The following KCNK12 variants were observed in gnomAD, a reference collection of about 807,000 sequenced individuals.
KCNK12 encodes the protein potassium channel subfamily K member 12.
KCNK12 carries 6 observed loss-of-function variants against 25.3 expected under a neutral mutation model. That is an observed-to-expected ratio of 0.24 (90% confidence interval 0.13 to 0.47). KCNK12 has a LOEUF of 0.47. Among genes scored for constraint, KCNK12 ranks in the 20% least tolerant of loss-of-function variants. KCNK12 has a pLI of 0.99. For missense variants in KCNK12, 444 were observed against 661.7 expected (o/e 0.67, Z 3.61); for synonymous variants, 331 against 311.1 (o/e 1.06, Z -0.67).
chr2:47,561,493 G>A lies in KCNK12; in HGVS notation c.391+8448C>T, dbSNP rs569953810. 3.2e-4 allele frequency among the ~76,000 whole-genome samples: 48 copies of A among 152,316 alleles called. 1 individual carries two copies. The South Asian group carries it at 9.4e-3, about 30-fold the overall frequency. On this transcript the variant is annotated intron_variant, in intron 1 of 1. Transcript: ENST00000327876. ...GAGTGCAGCAGGTGCCACACAGCAG[G>A]GGGGCTGAGGCCCAGAGGACTGGAC...
intron 1 of KCNK12, among the ~76,000 whole-genome samples, chr2:47,568,614 C>G (rs1669828842): frequency 1.3e-5 from 2 of 152,202 alleles, no homozygotes; most frequent in Admixed American, 1.3e-4. Flanking sequence ...CAGCCTCTCT[C>G]CCTGCCTCCA....
At chr2:47,564,758 CA>C (rs1384174580) in intron 1 of KCNK12, 3 of 168,200 alleles carry the variant, frequency 1.8e-5, no homozygotes, top group Non-Finnish European at 3.9e-5. Flanking sequence ...GAGGATGGAG[CA>C]GTGAATGGTA....
In KCNK12 at chr2:47,521,139, G is replaced by A; in HGVS notation, c.1061C>T (p.Ala354Val). The change falls in exon 2 of 2, where the codon GCC (alanine) becomes GTC (valine). Residue 354 changes from alanine (A) to valine (V), a missense_variant. Around this residue, in one of 8 missense-constraint regions of KCNK12, gnomAD observed 69 missense variants for 81.7 expected, o/e 0.84. Coordinates refer to ENST00000327876, the MANE Select transcript of KCNK12 (RefSeq NM_022055.2). The part of the protein sequence containing the change: ...RLAALGADPA[A>V]RDSDAEGRRL... ...GCGGCCCTCGGCGTCGCTGTCGCGG[G>A]CCGCGGGGTCGGCACCGAGCGCGGC... 2 of 1,271,238 alleles carry A rather than the reference G, an allele frequency of 1.6e-6. No homozygotes were observed. The highest frequency in any genetic ancestry group is 3.0e-5 in the South Asian group (1 of 33,256). The allele number at this position is 1,271,238 out of a possible 1,614,324, so 78.7% of individuals were successfully genotyped here. A position where few individuals can be genotyped will look rare whatever the true frequency, so the allele number is the denominator to read the frequency against.
rs1668656852 is a variant in KCNK12 at position 47,521,618 on chromosome 2, G to T, written c.582C>A (p.Phe194Leu). ...CCTCCGAGAGCGCGGAGCCGCGGCG[G>T]AAGGTGGCGGGCAGCAGGCCGCTGC... ...LRRSGLLPAT[F>L]RRGSALSEAD... Residue 194 changes from phenylalanine to leucine, a missense_variant, in exon 2 of 2, where the codon TTC becomes TTA. By Grantham distance (22) the Phe-to-Leu change is conservative (BLOSUM62 0). Coordinates refer to ENST00000327876, the MANE Select transcript of KCNK12 (RefSeq NM_022055.2). The T allele has an allele frequency of 1.3e-6, 2 of 1,576,474 alleles. No individual in the cohort carries two copies. The highest frequency in any genetic ancestry group is 2.7e-5 in the African/African-American group (2 of 74,362).
Position 47,569,891 on chromosome 2 carries a change from G to A in KCNK12, c.391+50C>T. The A allele has an allele frequency of 1.6e-6, 2 of 1,284,824 alleles. No individual in the cohort carries two copies. The highest frequency in any genetic ancestry group is 2.0e-6 in the Non-Finnish European group (2 of 1,004,614). The allele number at this position is 1,284,824 out of a possible 1,614,324, so 79.6% of individuals were successfully genotyped here. A position where few individuals can be genotyped will look rare whatever the true frequency, so the allele number is the denominator to read the frequency against. ...GAGCGGCCGAGCAGTGGAAAGGGCG[G>A]CAGGTGAAAGGCACAGAGAGGAAAG... is the stretch of plus-strand genomic sequence containing the variant. On this transcript the variant is annotated intron_variant, in intron 1 of 1. Coordinates refer to ENST00000327876, the MANE Select transcript of KCNK12 (RefSeq NM_022055.2). This position sits in a 1 kb window ranked among gnomAD's most constrained non-coding sequence, Gnocchi z 4.1.
At chr2:47,553,959 T>C (rs909513782) in intron 1 of KCNK12, among the ~76,000 whole-genome samples, 13 of 152,202 alleles carry the variant, frequency 8.5e-5, no homozygotes, top group African/African-American at 3.1e-4. Flanking sequence ...GCCACTTACA[T>C]GTGAACTCAG....
In KCNK12 at chr2:47,519,789, A is replaced by C. The variant is rs1668607483; in HGVS notation, c.*1118T>G. ...TATCTTTCCTGACCCCAAACACATCATGGCCTCTGGAGCCAAATACCCTGA... is the reference window on the plus strand; with the variant it reads ...TATCTTTCCTGACCCCAAACACATCCTGGCCTCTGGAGCCAAATACCCTGA... On this transcript the variant is annotated 3_prime_UTR_variant, in exon 2 of 2. Transcript: ENST00000327876. The C allele has an allele frequency of 6.6e-6, 1 of 152,214 alleles. No individual in the cohort carries two copies. The highest frequency in any genetic ancestry group is 2.4e-5 in the African/African-American group (1 of 41,442). The allele number at this position is 152,214 out of a possible 1,614,324, so 9.4% of individuals were successfully genotyped here. A position where few individuals can be genotyped will look rare whatever the true frequency, so the allele number is the denominator to read the frequency against.
chr2:47,537,565 G>A (rs1220056788), intron 1 of KCNK12, among the ~76,000 whole-genome samples: 1 of 152,096 alleles, frequency 6.6e-6, no homozygotes, highest in Non-Finnish European at 1.5e-5. Flanking sequence ...TCTTGACCTC[G>A]TGATCCGCCC....
intron 1 of KCNK12, among the ~76,000 whole-genome samples, chr2:47,549,920 C>A: frequency 6.9e-6 from 1 of 145,476 alleles, no homozygotes. Flanking sequence ...GGTGACTGAG[C>A]AAGACTCCAC....
chr2:47,532,472 C>T (rs1668955076), intron 1 of KCNK12, among the ~76,000 whole-genome samples: 1 of 152,178 alleles, frequency 6.6e-6, no homozygotes, highest in Non-Finnish European at 1.5e-5. Context: ...AGTGATCCTC[C>T]TGCCTCAGCC....
chr2:47,564,992 G>A (rs187726897), intron 1 of KCNK12: 2 of 151,664 alleles, frequency 1.3e-5, no homozygotes, highest in East Asian at 3.9e-4. Context: ...ATGTAGCGAG[G>A]CCCTGTCTCT....
In KCNK12 at chr2:47,540,495, C is replaced by T. The variant is rs777565713; in HGVS notation, c.392-18687G>A. Among the ~76,000 whole-genome samples, 19 of 152,330 alleles carry T rather than the reference C, an allele frequency of 1.2e-4. No homozygotes were observed. Among genetic ancestry groups the T allele is most frequent in the Non-Finnish European group, 2.4e-4 (16 of 68,034 alleles). On this transcript the variant is annotated intron_variant, in intron 1 of 1. Transcript: ENST00000327876. This position sits in a 1 kb window ranked among gnomAD's most constrained non-coding sequence, Gnocchi z 5.4. ...AGGTGAACGATAGTGCCCTCACTGC[C>T]CACAGAAGTGCCTTCAGTCAGATTT...
chr2:47,557,405 A>C lies in KCNK12; in HGVS notation c.391+12536T>G, dbSNP rs1669571994. 6.6e-6 allele frequency among the ~76,000 whole-genome samples: 1 copy of C among 152,082 alleles called. No individual in the cohort carries two copies. The highest frequency in any genetic ancestry group is 2.4e-5 in the African/African-American group (1 of 41,386). On this transcript the variant is annotated intron_variant, in intron 1 of 1. Coordinates refer to ENST00000327876, the MANE Select transcript of KCNK12 (RefSeq NM_022055.2). This position sits in a 1 kb window ranked among gnomAD's most constrained non-coding sequence, Gnocchi z 4.9. ...CTATCATAAACTTCCCAGCCTCCAG[A>C]ATGGTGAGTGAAATCAACTTTTTTT... is the stretch of plus-strand genomic sequence containing the variant.
rs1669683111 is a variant in KCNK12 at position 47,562,016 on chromosome 2, C to T, written c.391+7925G>A. On this transcript the variant is annotated intron_variant, in intron 1 of 1. Transcript: ENST00000327876. The surrounding 1 kb of genome is among the most constrained non-coding windows in gnomAD (Gnocchi z 4.8). ...AATGGTGATATGTCCTGCCTAAAGCCACGCAGCCAGTTAGTGGCAGAGCCA... is the reference window on the plus strand; with the variant it reads ...AATGGTGATATGTCCTGCCTAAAGCTACGCAGCCAGTTAGTGGCAGAGCCA... 5.0e-6 allele frequency: 2 copies of T among 398,558 alleles called. No homozygotes were observed. The highest frequency in any genetic ancestry group is 8.8e-6 in the Non-Finnish European group (2 of 226,072). The allele number at this position is 398,558 out of a possible 1,614,324, so 24.7% of individuals were successfully genotyped here. A position where few individuals can be genotyped will look rare whatever the true frequency, so the allele number is the denominator to read the frequency against.
At chr2:47,549,674 G>A (rs764599851) in intron 1 of KCNK12, among the ~76,000 whole-genome samples, 6 of 152,142 alleles carry the variant, frequency 3.9e-5, no homozygotes, top group South Asian at 2.1e-4. Context: ...GGTGGCTCAC[G>A]CCTGTAATCC....
chr2:47,566,339 C>T lies in KCNK12; in HGVS notation c.391+3602G>A, dbSNP rs2104901625. On this transcript the variant is annotated intron_variant, in intron 1 of 1. Coordinates refer to ENST00000327876, the MANE Select transcript of KCNK12 (RefSeq NM_022055.2). The surrounding 1 kb of genome is among the most constrained non-coding windows in gnomAD (Gnocchi z 4.1). ...ATACCTGAACCTTTCATTACGTCTT[C>T]CACCAGGTGAAAGCCCATTCCTGCT... is the stretch of plus-strand genomic sequence containing the variant. The T allele has an allele frequency of 6.6e-6, 1 of 152,322 alleles. No homozygotes were observed. Among genetic ancestry groups the T allele is most frequent in the South Asian group, 2.1e-4 (1 of 4,822 alleles). The allele number at this position is 152,322 out of a possible 1,614,324, so 9.4% of individuals were successfully genotyped here.
At chr2:47,563,728 C>G (rs1669732643) in intron 1 of KCNK12, 1 of 232,860 alleles carries the variant, frequency 4.3e-6, no homozygotes. Context: ...TGATTGTTGG[C>G]TTTTGTTGAC....
Position 47,528,507 on chromosome 2 carries a change from T to C in KCNK12, c.392-6699A>G, listed in dbSNP as rs2104757761. The C allele has an allele frequency of 6.6e-6, 1 of 152,286 alleles. No homozygotes were observed. The highest frequency in any genetic ancestry group is 2.1e-4 in the South Asian group (1 of 4,816). 9.4% of individuals were successfully genotyped at this position (152,286 alleles called of 1,614,324 possible). ...GAAGCAGTCTCCCAAGCTCTTGCAA[T>C]TTGTGGGGAGCCAAGCTGCTCTGGA... On this transcript the variant is annotated intron_variant, in intron 1 of 1. Coordinates refer to ENST00000327876, the MANE Select transcript of KCNK12 (RefSeq NM_022055.2). The surrounding 1 kb of genome is among the most constrained non-coding windows in gnomAD (Gnocchi z 4.5).
rs866029873 is a variant in KCNK12, at chr2:47,538,138, T to G, written c.392-16330A>C. Among the ~76,000 whole-genome samples the G allele has an allele frequency of 3.3e-5, 5 of 152,246 alleles. No homozygotes were observed. Among genetic ancestry groups the G allele is most frequent in the Admixed American group, 1.3e-4 (2 of 15,286 alleles). Reference sequence around the variant, plus strand: ...TTGAGGGCCTACTGTGGCCAGGAACTGTGCTAGGCCCTTGGGATTCAACAG... The same window carrying G: ...TTGAGGGCCTACTGTGGCCAGGAACGGTGCTAGGCCCTTGGGATTCAACAG... On this transcript the variant is annotated intron_variant, in intron 1 of 1. Transcript: ENST00000327876. This position sits in a 1 kb window ranked among gnomAD's most constrained non-coding sequence, Gnocchi z 4.5.
Sources: allele counts gnomAD v4.1 joint callset (sites outside exome capture counted in the v4.1 genomes callset), GRCh38; gene constraint gnomAD v4.1.1; regional missense constraint gnomAD v4.1.1; non-coding constraint Gnocchi (gnomAD v3.1); transcripts MANE v1.5; gene names NCBI Gene and HGNC (gene_info 2026-07-23, HGNC 2026-07-21).